Variants in CNTLN observed in about 807,000 individuals in gnomAD.
CNTLN encodes the protein centlein, centrosomal protein.
In CNTLN, 212 loss-of-function variants were observed where a neutral mutation model predicts 180.0. The observed-to-expected ratio is 1.18, with a 90% confidence interval of 1.05 to 1.32. CNTLN has a LOEUF of 1.32. CNTLN is among the 40% of genes most tolerant of loss of function. CNTLN has a pLI of 0.00. For synonymous variants in CNTLN, 722 were observed against 563.1 expected (o/e 1.28, Z -3.99); for missense variants, 2,095 against 1,610.9 (o/e 1.30, Z -5.14).
chr9:17,278,994 T>C (rs555957755), intron 6 of CNTLN, among the ~76,000 whole-genome samples: 3 of 152,098 alleles, frequency 2.0e-5, no homozygotes, highest in Non-Finnish European at 4.4e-5. Context: ...ATTGAGGAGA[T>C]TATTACATCT....
chr9:17,498,268 G>A (rs993770906), intron 25 of CNTLN, among the ~76,000 whole-genome samples: 1 of 151,950 alleles, frequency 6.6e-6, no homozygotes, highest in Non-Finnish European at 1.5e-5. Flanking sequence ...AATCATTTAA[G>A]CTCTGCTATT....
At chr9:17,157,735 C>G (rs1819397523) in intron 2 of CNTLN, among the ~76,000 whole-genome samples, 1 of 152,110 alleles carries the variant, frequency 6.6e-6, no homozygotes, top group Non-Finnish European at 1.5e-5. Context: ...GCCAAGCATG[C>G]CAGACATGTA....
intron 25 of CNTLN, among the ~76,000 whole-genome samples, chr9:17,491,347 G>A (rs144944352): frequency 1.6e-4 from 25 of 152,118 alleles, no homozygotes; most frequent in South Asian, 6.2e-4. Flanking sequence ...TTCTGGGGAC[G>A]GAGGACAATA....
chr9:17,297,905 A>G (rs763703481), intron 6 of CNTLN, among the ~76,000 whole-genome samples: 11 of 152,242 alleles, frequency 7.2e-5, no homozygotes, highest in Non-Finnish European at 1.5e-4. Context: ...TGTTTACTTA[A>G]ATAAAAGGTT....
Position 17,135,260 on chromosome 9 carries a change from C to A in CNTLN, c.195C>A (p.Gly65=), listed in dbSNP as rs976138213. Residue 65 remains glycine (G), a synonymous_variant, in exon 1 of 26, where the codon GGC becomes GGA. Coordinates refer to ENST00000380647, the MANE Select transcript of CNTLN (RefSeq NM_017738.4). ...GGGTGGGTGAAGAAGGGTCAGGGGGCCGGCGAGGGCCTGGGGGGGCAGCTC... is the reference window on the plus strand; with the variant it reads ...GGGTGGGTGAAGAAGGGTCAGGGGGACGGCGAGGGCCTGGGGGGGCAGCTC... The part of the protein sequence containing the change: ...KIWVGEEGSG[G]RRGPGGAAPA... 2 of 1,603,050 alleles carry A rather than the reference C, an allele frequency of 1.2e-6. No homozygotes were observed. The highest frequency in any genetic ancestry group is 1.1e-5 in the South Asian group (1 of 88,800).
At chr9:17,179,198 C>G (rs1232702428) in intron 2 of CNTLN, among the ~76,000 whole-genome samples, 1 of 147,066 alleles carries the variant, frequency 6.8e-6, no homozygotes, top group South Asian at 2.2e-4. Flanking sequence ...GAGCCGAGAT[C>G]CCGCCACTGC....
chr9:17,478,922 A>G (rs1018695064), intron 23 of CNTLN, among the ~76,000 whole-genome samples: 1 of 152,244 alleles, frequency 6.6e-6, no homozygotes, highest in African/African-American at 2.4e-5. Flanking sequence ...AGACTTCTCC[A>G]AAACACACAA....
At chr9:17,398,730 G>A (rs1054702168) in intron 15 of CNTLN, among the ~76,000 whole-genome samples, 30 of 152,130 alleles carry the variant, frequency 2.0e-4, no homozygotes, top group African/African-American at 6.8e-4. Flanking sequence ...TTTGAGGCAT[G>A]GTTTCAGAAG....
chr9:17,178,124 A>C (rs1820847539), intron 2 of CNTLN, among the ~76,000 whole-genome samples: 1 of 151,410 alleles, frequency 6.6e-6, no homozygotes, highest in Non-Finnish European at 1.5e-5. Flanking sequence ...GTGTATTTAC[A>C]ATATCTTAGC....
intron 18 of CNTLN, among the ~76,000 whole-genome samples, chr9:17,427,772 G>A (rs1829183320): frequency 6.6e-6 from 1 of 152,058 alleles, no homozygotes; most frequent in Non-Finnish European, 1.5e-5. Flanking sequence ...GGCTCTCAAC[G>A]GTGGATTATC....
At chr9:17,400,986 A>C (rs1348961458) in intron 15 of CNTLN, among the ~76,000 whole-genome samples, 1 of 152,176 alleles carries the variant, frequency 6.6e-6, no homozygotes, top group African/African-American at 2.4e-5. Flanking sequence ...AAATTTTTAT[A>C]CTGCTATTTT....
At chr9:17,390,068 G>A (rs745785098) in intron 14 of CNTLN, among the ~76,000 whole-genome samples, 41 of 152,024 alleles carry the variant, frequency 2.7e-4, no homozygotes, top group Non-Finnish European at 5.0e-4. Flanking sequence ...CAACCCTGCT[G>A]ACACCTTGAT....
chr9:17,213,098 C>G (rs1823455623), intron 2 of CNTLN, among the ~76,000 whole-genome samples: 1 of 152,152 alleles, frequency 6.6e-6, no homozygotes, highest in Non-Finnish European at 1.5e-5. Flanking sequence ...CTTCTGCTAG[C>G]TTTTGAATGT....
At chr9:17,439,136 G>A (rs1587994833) in intron 18 of CNTLN, among the ~76,000 whole-genome samples, 1 of 152,248 alleles carries the variant, frequency 6.6e-6, no homozygotes, top group Non-Finnish European at 1.5e-5. Context: ...AAAGGGAGCA[G>A]AGAGCCTCTA....
intron 12 of CNTLN, among the ~76,000 whole-genome samples, chr9:17,357,762 A>G (rs1252433827): frequency 6.6e-6 from 1 of 151,474 alleles, no homozygotes; most frequent in Non-Finnish European, 1.5e-5. Flanking sequence ...ATTCTATTTG[A>G]TAGTATTTTT....
intron 18 of CNTLN, among the ~76,000 whole-genome samples, chr9:17,431,771 G>A (rs955266415): frequency 2.0e-5 from 3 of 152,138 alleles, no homozygotes; most frequent in African/African-American, 7.2e-5. Context: ...ATTGTTTAAT[G>A]TGTAGAAGAT....
intron 19 of CNTLN, among the ~76,000 whole-genome samples, chr9:17,461,337 G>A (rs1485238522): frequency 3.3e-5 from 5 of 151,580 alleles, no homozygotes; most frequent in African/African-American, 1.2e-4. Context: ...TGACTAGTGT[G>A]GAACATGTTA....
intron 25 of CNTLN, among the ~76,000 whole-genome samples, chr9:17,491,230 A>G (rs1196218025): frequency 1.3e-5 from 2 of 152,128 alleles, no homozygotes; most frequent in African/African-American, 2.4e-5. Flanking sequence ...GAATCATTAA[A>G]AAATATATAT....
intron 12 of CNTLN, among the ~76,000 whole-genome samples, chr9:17,349,872 C>G (rs1232752444): frequency 1.3e-5 from 2 of 152,086 alleles, no homozygotes; most frequent in East Asian, 1.9e-4. Flanking sequence ...TAACCAGGGG[C>G]TGAACATACA....
Sources: gnomAD v4.1 joint callset for allele counts (sites outside exome capture counted in the v4.1 genomes callset) on GRCh38, gnomAD v4.1.1 for gene constraint, MANE v1.5 for transcripts, NCBI Gene and HGNC (gene_info 2026-07-23, HGNC 2026-07-21) for gene names.